PATJ: variants seen among roughly 807,000 people sequenced by gnomAD.
PATJ encodes PATJ crumbs cell polarity complex component.
PATJ carries 190 observed loss-of-function variants against 224.9 expected under a neutral mutation model. The observed-to-expected ratio is 0.84, with a 90% CI of 0.75 to 0.95. PATJ has a LOEUF of 0.95. PATJ is among the 40% of genes least tolerant of loss of function. The probability of loss-of-function intolerance (pLI) is 0.00; values close to 1 mark genes in which losing one functional copy is unlikely to be tolerated. For synonymous variants in PATJ, 769 were observed against 820.3 expected, an observed-to-expected ratio of 0.94 and a Z score of 1.07; for missense variants, 2,121 against 2,270.3, an observed-to-expected ratio of 0.93 and a Z score of 1.34.
intron 33 of PATJ, among the ~76,000 whole-genome samples, chr1:62,093,782 A>C (rs563974542): frequency 1.3e-5 from 2 of 152,314 alleles, no homozygotes; most frequent in East Asian, 3.9e-4. Flanking sequence ...CAAATCATAT[A>C]CCATTTCCTT....
intron 27 of PATJ, among the ~76,000 whole-genome samples, chr1:61,979,352 A>G (rs542592307): frequency 1.3e-5 from 2 of 152,028 alleles, no homozygotes; most frequent in Non-Finnish European, 2.9e-5. Context: ...TGAGGCCTTT[A>G]TAACAACAAA....
At chr1:61,756,808 G>A (rs1056614998) in intron 1 of PATJ, among the ~76,000 whole-genome samples, 2 of 151,916 alleles carry the variant, frequency 1.3e-5, no homozygotes, top group Non-Finnish European at 2.9e-5. Flanking sequence ...TTGAACTCCT[G>A]ACCTTGTGAT....
chr1:62,084,480 A>G, intron 32 of PATJ, 35 bp from the exon 33 acceptor site: 16 of 1,588,366 alleles, frequency 1.0e-5, no homozygotes, highest in Non-Finnish European at 1.4e-5. Flanking sequence ...TGCAGCTCTT[A>G]CATGCCAGTC....
intron 17 of PATJ, among the ~76,000 whole-genome samples, chr1:61,844,106 T>G (rs1661542420): frequency 6.6e-6 from 1 of 152,140 alleles, no homozygotes; most frequent in Non-Finnish European, 1.5e-5. Context: ...AGAACAGACT[T>G]GGCAACAGCT....
chr1:61,834,290 C>T (rs1659824169), intron 17 of PATJ, among the ~76,000 whole-genome samples: 1 of 152,224 alleles, frequency 6.6e-6, no homozygotes, highest in African/African-American at 2.4e-5. Flanking sequence ...TATAGTTTAG[C>T]TTACCTATTA....
At chr1:61,980,738 C>A (rs1334732701) in intron 27 of PATJ, among the ~76,000 whole-genome samples, 15 of 152,074 alleles carry the variant, frequency 9.9e-5, no homozygotes, top group Admixed American at 9.8e-4. Context: ...AATGCCAGGC[C>A]ATGCGGGGTT....
chr1:62,063,483 A>G (rs750014778), intron 31 of PATJ, among the ~76,000 whole-genome samples: 1 of 151,844 alleles, frequency 6.6e-6, no homozygotes, highest in Non-Finnish European at 1.5e-5. Flanking sequence ...TGCTTTGGCT[A>G]TTTAGGCCCT....
intron 27 of PATJ, among the ~76,000 whole-genome samples, chr1:61,985,482 T>G (rs2149521154): frequency 6.6e-6 from 1 of 152,230 alleles, no homozygotes; most frequent in Non-Finnish European, 1.5e-5. Context: ...TTTTACCGTC[T>G]TTAATTGTAT....
At chr1:62,098,287 A>C (rs544517747) in intron 33 of PATJ, among the ~76,000 whole-genome samples, 1 of 148,838 alleles carries the variant, frequency 6.7e-6, no homozygotes, top group East Asian at 2.0e-4. Context: ...TGAACCTGGG[A>C]GGTGGAGCTT....
intron 31 of PATJ, chr1:62,072,347 C>T (rs1657563632): frequency 1.3e-5 from 2 of 151,656 alleles, no homozygotes; most frequent in African/African-American, 4.8e-5. Flanking sequence ...GGGGAAAAAA[C>T]TCTAGTTCAG....
At chr1:61,894,157 G>A (rs1464165092) in intron 22 of PATJ, among the ~76,000 whole-genome samples, 2 of 151,916 alleles carry the variant, frequency 1.3e-5, no homozygotes, top group East Asian at 3.9e-4. Context: ...GGGAGGCTGA[G>A]GCAGGAGAAT....
chr1:61,800,760 T>G (rs2148580565), intron 11 of PATJ, among the ~76,000 whole-genome samples: 1 of 152,064 alleles, frequency 6.6e-6, no homozygotes, highest in South Asian at 2.1e-4. Context: ...CCCCGGTGTG[T>G]GATGTTCCCC....
intron 26 of PATJ, among the ~76,000 whole-genome samples, chr1:61,919,660 T>C (rs1217445191): frequency 6.6e-6 from 1 of 152,074 alleles, no homozygotes; most frequent in Non-Finnish European, 1.5e-5. Flanking sequence ...TGAATTTCTG[T>C]TTTTTGGTAC....
chr1:61,970,377 A>G (rs1360055257), intron 27 of PATJ, among the ~76,000 whole-genome samples: 2 of 152,056 alleles, frequency 1.3e-5, no homozygotes, highest in Non-Finnish European at 2.9e-5. Context: ...CTACATTGAC[A>G]CGTCATTATC....
At chr1:61,986,245 C>G (rs1217593130) in intron 27 of PATJ, among the ~76,000 whole-genome samples, 1 of 152,002 alleles carries the variant, frequency 6.6e-6, no homozygotes, top group Non-Finnish European at 1.5e-5. Flanking sequence ...TAGTTCATTA[C>G]AGTTTTACAT....
At chr1:62,015,614 C>A (rs962547189) in intron 28 of PATJ, among the ~76,000 whole-genome samples, 5 of 151,936 alleles carry the variant, frequency 3.3e-5, no homozygotes, top group African/African-American at 1.2e-4. Context: ...CTTGCTGTAA[C>A]CTCTGCCTCC....
At chr1:61,808,554 T>C in intron 14 of PATJ, 24 bp downstream of exon 14, 1 of 1,510,268 alleles carries the variant, frequency 6.6e-7, no homozygotes, top group South Asian at 1.1e-5. Flanking sequence ...ATAACAAAGT[T>C]AACAGTTTTA....
intron 26 of PATJ, among the ~76,000 whole-genome samples, chr1:61,916,178 T>C (rs1005158649): frequency 2.0e-5 from 3 of 152,034 alleles, no homozygotes; most frequent in Non-Finnish European, 2.9e-5. Flanking sequence ...AATAATCTAG[T>C]GGAGAATACT....
At position 61,769,297 on chromosome 1, in the gene PATJ, A is replaced by G; in HGVS notation, c.399A>G (p.Glu133=). 2 of 1,608,164 alleles carry G rather than the reference A, an allele frequency of 1.2e-6. 1 individual carries two copies. Among genetic ancestry groups the G allele is most frequent in the South Asian group, 2.2e-5 (2 of 89,304 alleles). ...IQQMAQGRQI[E]YIDIERPSTG... is the part of the protein sequence containing the mutation. ...TCCTTCATTAGGGCCGGCAAATTGA[A>G]TATATAGATATAGAACGGCCTTCAA... The change falls in exon 5 of 44, where the codon GAA becomes GAG. Residue 133 remains glutamate (E), a synonymous_variant. Transcript: ENST00000642238.
Sources: allele counts gnomAD v4.1 joint callset (sites outside exome capture counted in the v4.1 genomes callset), GRCh38; gene constraint gnomAD v4.1.1; transcripts MANE v1.5; gene names NCBI Gene and HGNC (gene_info 2026-07-23, HGNC 2026-07-21).